TMEM260: variants seen among roughly 807,000 people sequenced by gnomAD.
The protein encoded by TMEM260 is transmembrane protein 260, also known as protein O-mannosyl-transferase TMEM260.
Under a neutral mutation model 88.9 loss-of-function variants are expected in TMEM260, and 82 were observed. The ratio of observed to expected loss-of-function variants is 0.92; its 90% CI spans 0.77 to 1.11. The LOEUF (loss-of-function observed/expected upper bound fraction) is 1.11. Among genes scored for constraint, TMEM260 ranks in the 50% least tolerant of loss-of-function variants. The pLI is 0.00. For synonymous variants in TMEM260, 314 were observed against 309.3 expected, an observed-to-expected ratio of 1.02 and a Z score of -0.16; for missense variants, 902 against 853.4, an observed-to-expected ratio of 1.06 and a Z score of -0.71.
At chr14:56,639,707 A>G (rs1285253520) in intron 15 of TMEM260, among the ~76,000 whole-genome samples, 1 of 152,240 alleles carries the variant, frequency 6.6e-6, no homozygotes, top group Non-Finnish European at 1.5e-5. Context: ...CAGGAAGCGC[A>G]AGGGGGCAGG....
intron 15 of TMEM260, among the ~76,000 whole-genome samples, chr14:56,642,976 G>C (rs1050672581): frequency 1.3e-5 from 2 of 152,290 alleles, no homozygotes; most frequent in African/African-American, 4.8e-5. Flanking sequence ...GAAGCTGAAT[G>C]TCTGAACAGA....
chr14:56,625,345 A>G lies in TMEM260; in HGVS notation c.1399-37A>G, dbSNP rs777604269. The G allele has an allele frequency of 2.5e-6, 4 of 1,597,862 alleles. No individual in the cohort carries two copies. The South Asian group carries it at 3.5e-5, about 14-fold the overall frequency. ...AAACTTGATTCTTTCTAAGAAATATATTAAAAGTCTGACATTATGTGTGAC... is the reference window on the plus strand; with the variant it reads ...AAACTTGATTCTTTCTAAGAAATATGTTAAAAGTCTGACATTATGTGTGAC... On this transcript the variant is annotated intron_variant, in intron 11 of 15. Transcript: ENST00000261556.
intron 3 of TMEM260, among the ~76,000 whole-genome samples, chr14:56,595,011 G>A (rs1297800959): frequency 6.6e-6 from 1 of 152,140 alleles, no homozygotes; most frequent in Non-Finnish European, 1.5e-5. Flanking sequence ...TTCATTGATA[G>A]CGATGATAAT....
chr14:56,641,689 C>T (rs1304863862), intron 15 of TMEM260, among the ~76,000 whole-genome samples: 1 of 152,156 alleles, frequency 6.6e-6, no homozygotes, highest in African/African-American at 2.4e-5. Context: ...TGTAAATGGG[C>T]TAAATGCTCC....
rs1257877099 is a variant in TMEM260 at position 56,585,787 on chromosome 14, G to C, written c.219G>C (p.Leu73Phe). The C allele has an allele frequency of 6.2e-7, 1 of 1,612,936 alleles. No individual in the cohort carries two copies. The highest frequency in any genetic ancestry group is 1.3e-5 in the African/African-American group (1 of 74,896). Residue 73 changes from leucine to phenylalanine, a missense_variant, in exon 3 of 16, where the codon TTG becomes TTC. Coordinates refer to ENST00000261556, the MANE Select transcript of TMEM260 (RefSeq NM_017799.4). ...LGVAHPPGYP[L>F]FTLVAKLAIT... ...TTGCCCATCCTCCTGGCTATCCTTTGTTCACGCTGGTGGCTAAACTGGCAA... is the reference window on the plus strand; with the variant it reads ...TTGCCCATCCTCCTGGCTATCCTTTCTTCACGCTGGTGGCTAAACTGGCAA...
In TMEM260 at chr14:56,619,678, T is replaced by C. The variant is rs530743105; in HGVS notation, c.1226+915T>C. Among the ~76,000 whole-genome samples the C allele has an allele frequency of 1.5e-4, 23 of 152,330 alleles. No individual in the cohort carries two copies. In the South Asian group the frequency reaches 3.5e-3, roughly 23 times the overall value. On this transcript the variant is annotated intron_variant, in intron 10 of 15. Transcript: ENST00000261556. ...AATGGAAGAGAGTCCCTTGGAATTT[T>C]GCTATAGTGAGATTGGACTGGTATT...
the TMEM260 span, among the ~76,000 whole-genome samples, chr14:56,659,425 C>G: frequency 6.6e-6 from 1 of 152,130 alleles, no homozygotes; most frequent in African/African-American, 2.4e-5. Flanking sequence ...ATCCCTAAGG[C>G]CAAAGGCCAC....
At chr14:56,634,419 A>C (rs1261103720) in intron 13 of TMEM260, among the ~76,000 whole-genome samples, 1 of 152,182 alleles carries the variant, frequency 6.6e-6, no homozygotes, top group Non-Finnish European at 1.5e-5. Context: ...TATTTACCAA[A>C]ACTCAAACTT....
At chr14:56,642,821 A>G (rs540051647) in intron 15 of TMEM260, among the ~76,000 whole-genome samples, 1 of 152,228 alleles carries the variant, frequency 6.6e-6, no homozygotes, top group Admixed American at 6.5e-5. Flanking sequence ...AAAATGACAA[A>G]GGGGATATCA....
Position 56,612,266 on chromosome 14 carries a change from A to G in TMEM260, c.838A>G (p.Ser280Gly), listed in dbSNP as rs760102891. 6 of 1,613,506 alleles carry G rather than the reference A, an allele frequency of 3.7e-6. No homozygotes were observed. The highest frequency in any genetic ancestry group is 5.1e-6 in the Non-Finnish European group (6 of 1,179,634). Residue 280 changes from serine (S) to glycine (G), a missense_variant, in exon 7 of 16, where the codon AGT becomes GGT. By Grantham distance (56) the Ser-to-Gly change is moderately conservative. Coordinates refer to ENST00000261556, the MANE Select transcript of TMEM260 (RefSeq NM_017799.4). ...FSLAKSEIGS[S>G]MSEILLSQVT... ...TTAGGCCAAATCTGAAATAGGATCC[A>G]GTATGTCTGAAATACTGCTGTGAGT...
chr14:56,597,544 A>G (rs544952094), intron 3 of TMEM260, among the ~76,000 whole-genome samples: 3 of 152,208 alleles, frequency 2.0e-5, no homozygotes, highest in Non-Finnish European at 2.9e-5. Context: ...AAGGTTTTTT[A>G]TGTCATGATG....
intron 5 of TMEM260, 147 bp downstream of exon 5, chr14:56,605,830 A>T: frequency 2.1e-6 from 1 of 487,600 alleles, no homozygotes; most frequent in Non-Finnish European, 3.5e-6. Context: ...TATTGACTGA[A>T]AAAAATAGGA....
chr14:56,645,279 G>T (rs1288212970), intron 15 of TMEM260, among the ~76,000 whole-genome samples: 1 of 151,510 alleles, frequency 6.6e-6, no homozygotes, highest in Non-Finnish European at 1.5e-5. Flanking sequence ...TTAAGAAAAT[G>T]TGGCACATAT....
intron 6 of TMEM260, 31 bp from the exon 7 acceptor site, chr14:56,612,214 G>T (rs1011779856): frequency 8.2e-6 from 13 of 1,593,766 alleles, no homozygotes; most frequent in Non-Finnish European, 1.1e-5. Flanking sequence ...TTTAATGCTT[G>T]TGCAGATAAA....
At chr14:56,582,628 C>T (rs184892381) in intron 1 of TMEM260, among the ~76,000 whole-genome samples, 1 of 152,160 alleles carries the variant, frequency 6.6e-6, no homozygotes, top group African/African-American at 2.4e-5. Flanking sequence ...GCAAGTGGGT[C>T]TTAGTAGATT....
At chr14:56,616,160 A>G (rs927192600) in intron 8 of TMEM260, 133 bp downstream of exon 8, 3 of 621,852 alleles carry the variant, frequency 4.8e-6, no homozygotes, top group South Asian at 2.1e-5. Flanking sequence ...GCTGTCTATT[A>G]AGATAAACGT....
chr14:56,652,475 G>C (rs1271875635), downstream of TMEM260, among the ~76,000 whole-genome samples: 1 of 139,702 alleles, frequency 7.2e-6, no homozygotes, highest in Non-Finnish European at 1.5e-5. Context: ...TCCAGCCTTG[G>C]TGACAGAGTG....
chr14:56,634,746 G>A (rs986913222), intron 13 of TMEM260, among the ~76,000 whole-genome samples, 153 bp from the exon 14 acceptor site: 1 of 151,952 alleles, frequency 6.6e-6, no homozygotes, highest in Non-Finnish European at 1.5e-5. Flanking sequence ...GGAGGCGGGG[G>A]CAGGAGAATC....
intron 3 of TMEM260, among the ~76,000 whole-genome samples, chr14:56,586,988 T>G (rs1208226035): frequency 3.3e-5 from 5 of 151,816 alleles, no homozygotes; most frequent in Non-Finnish European, 7.4e-5. Context: ...AAATAATGTT[T>G]CTGCTTAGAT....
Sources: allele counts gnomAD v4.1 joint callset (sites outside exome capture counted in the v4.1 genomes callset), GRCh38; gene constraint gnomAD v4.1.1; transcripts MANE v1.5; gene names NCBI Gene and HGNC (gene_info 2026-07-23, HGNC 2026-07-21).